Variants in PIK3R5 observed in about 807,000 individuals in gnomAD.
PIK3R5 encodes phosphoinositide-3-kinase regulatory subunit 5, also known as phosphoinositide 3-kinase regulatory subunit 5.
A neutral mutation model predicts 94.9 loss-of-function variants in PIK3R5; 32 were observed. The observed-to-expected ratio is 0.34, with a 90% CI of 0.25 to 0.45. The LOEUF (loss-of-function observed/expected upper bound fraction) is 0.45. Ranked by LOEUF, PIK3R5 falls within the 20% of genes least tolerant of loss-of-function variation. The pLI, the probability that PIK3R5 is intolerant of heterozygous loss-of-function variation, is 1.00. For synonymous variants in PIK3R5, 443 were observed against 479.4 expected (o/e 0.92, Z 0.99); for missense variants, 853 against 1,144.6 (o/e 0.75, Z 3.68).
chr17:8,920,035 C>T (rs934461087), intron 1 of PIK3R5, among the ~76,000 whole-genome samples: 3 of 151,828 alleles, frequency 2.0e-5, no homozygotes, highest in African/African-American at 4.8e-5. Context: ...AGGCATGCAC[C>T]ACCATACCAG....
At chr17:8,934,461 CAATATT>C (rs1287700934) in intron 1 of PIK3R5, among the ~76,000 whole-genome samples, 4 of 152,126 alleles carry the variant, frequency 2.6e-5, no homozygotes, top group African/African-American at 4.8e-5. Flanking sequence ...TCAGAAGACT[CAATATT>C]GATATTATGT....
chr17:8,886,097 C>A, intron 14 of PIK3R5, 132 bp downstream of exon 14: 1 of 700,126 alleles, frequency 1.4e-6, no homozygotes. Context: ...CCCCGTCTCC[C>A]CAGGGGCCTA....
intron 1 of PIK3R5, among the ~76,000 whole-genome samples, chr17:8,947,977 A>C (rs1008275743): frequency 1.5e-5 from 2 of 137,490 alleles, no homozygotes; most frequent in African/African-American, 5.3e-5. Flanking sequence ...CGGGAGGCGG[A>C]GCTTGCAGTG....
intron 14 of PIK3R5, 65 bp downstream of exon 14, chr17:8,886,164 C>G: frequency 7.8e-7 from 1 of 1,274,440 alleles, no homozygotes; most frequent in Non-Finnish European, 1.1e-6. Flanking sequence ...CCCACCTCCA[C>G]AGAGCTCCAC....
chr17:8,886,458 C>T lies in PIK3R5; in HGVS notation c.2034+19G>A, dbSNP rs4791766. Reference sequence around the variant, plus strand: ...CCCGGCAGGTGGGGAAGAGGCGGTTCGGGGCAGGGAGGCCTTACCTCGGTC... The same window carrying T: ...CCCGGCAGGTGGGGAAGAGGCGGTTTGGGGCAGGGAGGCCTTACCTCGGTC... On this transcript the variant is annotated intron_variant, in intron 13 of 18. Transcript: ENST00000447110. 33 of 1,596,218 alleles carry T rather than the reference C, an allele frequency of 2.1e-5. No individual in the cohort carries two copies. The highest frequency in any genetic ancestry group is 1.7e-4 in the Middle Eastern group (1 of 5,970).
chr17:8,913,660 C>A (rs982496575), intron 1 of PIK3R5, among the ~76,000 whole-genome samples: 4 of 152,126 alleles, frequency 2.6e-5, no homozygotes, highest in African/African-American at 9.7e-5. Flanking sequence ...TGCAGTAAGT[C>A]GAGATCACAC....
intron 5 of PIK3R5, among the ~76,000 whole-genome samples, chr17:8,903,142 G>C (rs2090325538): frequency 6.6e-6 from 1 of 152,062 alleles, no homozygotes; most frequent in Non-Finnish European, 1.5e-5. Flanking sequence ...ACCACACCTG[G>C]CCTTTTTAGA....
At chr17:8,914,103 A>G (rs1206944463) in intron 1 of PIK3R5, among the ~76,000 whole-genome samples, 2 of 152,170 alleles carry the variant, frequency 1.3e-5, no homozygotes, top group Non-Finnish European at 2.9e-5. Flanking sequence ...CTTCACATGG[A>G]TGAGCCTGGG....
rs1199791401 is a variant in PIK3R5, at chr17:8,926,056, A to G, written c.-13-14549T>C. On this transcript the variant is annotated intron_variant, in intron 1 of 18. Coordinates refer to ENST00000447110, the MANE Select transcript of PIK3R5 (RefSeq NM_001142633.3). ...AGAGGTGGCACCGGAAGTATCACAA[A>G]AAGACACTGAGAAGATGCAGCTCAT... Among the ~76,000 whole-genome samples, 3 of 152,192 alleles carry G rather than the reference A, an allele frequency of 2.0e-5. No homozygotes were observed. The South Asian group carries it at 6.2e-4, about 32-fold the overall frequency.
Position 8,889,033 on chromosome 17 carries a change from A to C in PIK3R5, c.895+106T>G, listed in dbSNP as rs1309718916. The C allele has an allele frequency of 2.0e-5, 31 of 1,514,930 alleles. No homozygotes were observed. In the Admixed American group the frequency reaches 2.2e-4, roughly 11 times the overall value. The allele number at this position is 1,514,930 out of a possible 1,614,324, so 93.8% of individuals were successfully genotyped here. A position where few individuals can be genotyped will look rare whatever the true frequency, so the allele number is the denominator to read the frequency against. On this transcript the variant is annotated intron_variant, in intron 9 of 18. Transcript: ENST00000447110. The surrounding 1 kb of genome is among the most constrained non-coding windows in gnomAD (Gnocchi z 4.1). ...CCCTTGCTCTGCTTAGAGCCTGCTC[A>C]TGTGGGAGAGCTTTGGGGACGGGGT...
chr17:8,951,561 G>A (rs577595780), intron 1 of PIK3R5, among the ~76,000 whole-genome samples: 7 of 152,166 alleles, frequency 4.6e-5, no homozygotes, highest in African/African-American at 7.2e-5. Context: ...CATGCATATC[G>A]TAGCATGTGT....
intron 5 of PIK3R5, among the ~76,000 whole-genome samples, chr17:8,898,523 A>G (rs1333863910): frequency 6.6e-6 from 1 of 152,210 alleles, no homozygotes; most frequent in Non-Finnish European, 1.5e-5. Flanking sequence ...TTCAAGTGGT[A>G]GAGCTCTTGT....
intron 5 of PIK3R5, among the ~76,000 whole-genome samples, chr17:8,897,929 ATGTG>A (rs35726243): frequency 6.6e-6 from 1 of 151,386 alleles, no homozygotes; most frequent in Non-Finnish European, 1.5e-5. Flanking sequence ...GTGTGTGTGT[ATGTG>A]TGTGTGTGTG....
intron 5 of PIK3R5, among the ~76,000 whole-genome samples, chr17:8,903,801 G>C (rs776371209): frequency 3.5e-4 from 53 of 152,202 alleles, no homozygotes; most frequent in Non-Finnish European, 6.8e-4. Context: ...TTCTAGTTCT[G>C]ACAATTCTTT....
At chr17:8,948,042 T>TAAAAAAAAAAAA (rs71135932) in intron 1 of PIK3R5, among the ~76,000 whole-genome samples, 1 of 62,768 alleles carries the variant, frequency 1.6e-5, no homozygotes, top group Non-Finnish European at 3.0e-5. Context: ...GACTCCGTCT[T>TAAAAAAAAAAAA]AAAAAAAAAA....
At chr17:8,928,891 T>C (rs538305501) in intron 1 of PIK3R5, among the ~76,000 whole-genome samples, 14 of 152,326 alleles carry the variant, frequency 9.2e-5, no homozygotes, top group African/African-American at 3.1e-4. Context: ...TAAGTTATCT[T>C]AGATGGCTGA....
intron 5 of PIK3R5, among the ~76,000 whole-genome samples, chr17:8,900,361 T>G (rs1055537211): frequency 6.6e-6 from 1 of 152,222 alleles, no homozygotes; most frequent in Non-Finnish European, 1.5e-5. Flanking sequence ...TCCTCATTAA[T>G]GAGCGGGCAC....
chr17:8,891,041 G>A (rs1206183435), intron 6 of PIK3R5, 129 bp from the exon 7 acceptor site: 4 of 860,692 alleles, frequency 4.6e-6, no homozygotes, highest in South Asian at 1.7e-5. Flanking sequence ...GGCAGAGCTC[G>A]AGGAGGTGAC....
rs765491455 is a variant in PIK3R5, at chr17:8,911,844, G to T, written c.-13-337C>A. ...CCAGGGAGTGGTCAGACCCCAGTGG[G>T]CTGGGCAGGAAGATCCTGAGGGGAA... On this transcript the variant is annotated intron_variant, in intron 1 of 18. Coordinates refer to ENST00000447110, the MANE Select transcript of PIK3R5 (RefSeq NM_001142633.3). The surrounding 1 kb of genome is among the most constrained non-coding windows in gnomAD (Gnocchi z 5.3). The T allele has an allele frequency of 3.2e-5, 6 of 187,264 alleles. No individual in the cohort carries two copies. The highest frequency in any genetic ancestry group is 6.6e-5 in the Non-Finnish European group (6 of 90,392). The allele number at this position is 187,264 out of a possible 1,614,324, so 11.6% of individuals were successfully genotyped here. A position where few individuals can be genotyped will look rare whatever the true frequency, so the allele number is the denominator to read the frequency against.
Sources: gnomAD v4.1 joint callset for allele counts (sites outside exome capture counted in the v4.1 genomes callset) on GRCh38, gnomAD v4.1.1 for gene constraint, Gnocchi (gnomAD v3.1) non-coding constraint, MANE v1.5 for transcripts, NCBI Gene and HGNC (gene_info 2026-07-23, HGNC 2026-07-21) for gene names.